Variants in TTC12 observed in about 807,000 individuals in gnomAD.
TTC12 encodes tetratricopeptide repeat domain 12.
Under a neutral mutation model 90.1 loss-of-function variants are expected in TTC12, and 70 were observed. The ratio of observed to expected loss-of-function variants is 0.78; its 90% CI spans 0.64 to 0.95. The LOEUF is 0.95. TTC12 is among the 40% of genes least tolerant of loss of function. The probability of loss-of-function intolerance (pLI) is 0.00; values close to 1 mark genes in which losing one functional copy is unlikely to be tolerated. For synonymous variants in TTC12, 296 were observed against 311.5 expected (o/e 0.95, Z 0.53); for missense variants, 819 against 846.1 (o/e 0.97, Z 0.40).
intron 2 of TTC12, among the ~76,000 whole-genome samples, chr11:113,320,988 G>A (rs1411743778): frequency 6.6e-6 from 1 of 151,912 alleles, no homozygotes; most frequent in African/African-American, 2.4e-5. Flanking sequence ...ATCGAGCCTG[G>A]ACAACATAGC....
chr11:113,346,059 G>A (rs919934745), intron 13 of TTC12, among the ~76,000 whole-genome samples: 33 of 152,092 alleles, frequency 2.2e-4, no homozygotes, highest in African/African-American at 7.7e-4. Context: ...AGCAAGACAG[G>A]GCTGCTGCAC....
In TTC12 at chr11:113,338,759, G is replaced by A. The variant is rs782788067; in HGVS notation, c.577-15G>A. 1.2e-5 allele frequency: 19 copies of A among 1,610,404 alleles called. No homozygotes were observed. In the East Asian group the frequency reaches 4.0e-4, roughly 34 times the overall value. ...TACCCCAACCACTCTTCAAGGTCTT[G>A]TTTCTTTTTTCCAGTCTAGAGAGTG... On this transcript the variant is annotated splice_polypyrimidine_tract_variant and intron_variant, in intron 8 of 21. Coordinates refer to ENST00000529221, the MANE Select transcript of TTC12 (RefSeq NM_017868.4).
Position 113,360,468 on chromosome 11 carries a change from A to C in TTC12, c.1614+460A>C, listed in dbSNP as rs367670644. ...GTGATCCTAGAGGTTGTTTGTGCAT[A>C]ATAGTTTTACCCTCTTTTTAAAATA... On this transcript the variant is annotated intron_variant, in intron 18 of 21. Coordinates refer to ENST00000529221, the MANE Select transcript of TTC12 (RefSeq NM_017868.4). 9.2e-5 allele frequency among the ~76,000 whole-genome samples: 14 copies of C among 152,216 alleles called. No individual in the cohort carries two copies. The South Asian group carries it at 1.0e-3, about 11-fold the overall frequency.
rs555847720 is a variant in TTC12, at chr11:113,352,105, G to A, written c.1344G>A (p.Leu448=). ...TDPKVSSSSA[L]CQCIAIMGNL... The stretch of plus-strand genomic sequence containing the variant: ...CCAAGGTAAGCAGCTCCTCGGCTCT[G>A]TGCCAGTGCATTGCCATCATGGGAA... The change falls in exon 16 of 22, where the codon CTG becomes CTA. Residue 448 remains leucine (L), a synonymous_variant. Transcript: ENST00000529221. 25 of 1,614,096 alleles carry A rather than the reference G, an allele frequency of 1.5e-5. No individual in the cohort carries two copies. Among genetic ancestry groups the A allele is most frequent in the Admixed American group, 1.2e-4 (7 of 60,010 alleles).
intron 16 of TTC12, among the ~76,000 whole-genome samples, chr11:113,355,719 T>G (rs1016495919): frequency 3.3e-5 from 5 of 152,254 alleles, no homozygotes; most frequent in African/African-American, 1.2e-4. Flanking sequence ...TTAATTGGTT[T>G]ATTTGCCCTA....
intron 12 of TTC12, 22 bp from the exon 13 acceptor site, chr11:113,344,250 A>G (rs781832761): frequency 6.2e-7 from 1 of 1,600,092 alleles, no homozygotes; most frequent in African/African-American, 1.3e-5. Flanking sequence ...TGCACAAGAC[A>G]CACAACCTCT....
intron 14 of TTC12, among the ~76,000 whole-genome samples, chr11:113,350,933 A>G (rs973747910): frequency 6.6e-6 from 1 of 152,164 alleles, no homozygotes; most frequent in South Asian, 2.1e-4. Flanking sequence ...CACGCTGTAG[A>G]CTCAGAGCAG....
At chr11:113,314,861 G>GCAGGCTCCGCGCGGGGCTCGGGGA (rs1347569474) in intron 1 of TTC12, 15 of 152,432 alleles carry the variant, frequency 9.8e-5, no homozygotes, top group African/African-American at 3.6e-4. Context: ...CGCGTCTGGG[G>GCAGGCTCCGCGCGGGGCTCGGGGA]CAGGCTCCGC....
At chr11:113,323,103 A>C (rs1164683798) in intron 2 of TTC12, among the ~76,000 whole-genome samples, 185 bp from the exon 3 acceptor site, 1 of 87,612 alleles carries the variant, frequency 1.1e-5, no homozygotes, top group African/African-American at 4.0e-5. Flanking sequence ...TTTTCTAGGC[A>C]AAAAAAAAAA....
At chr11:113,360,386 T>C (rs1243204123) in intron 18 of TTC12, among the ~76,000 whole-genome samples, 2 of 152,032 alleles carry the variant, frequency 1.3e-5, no homozygotes, top group African/African-American at 4.8e-5. Flanking sequence ...GTCCAACTTA[T>C]TTAGAATCCC....
At chr11:113,371,543 G>A (rs1043775959) in intron 21 of TTC12, 1 of 151,264 alleles carries the variant, frequency 6.6e-6, no homozygotes, top group Non-Finnish European at 1.5e-5. Context: ...GCTCCAAAAT[G>A]GCTAGTCCAT....
rs150880466 is a variant in TTC12, at chr11:113,323,932, A to G, written c.223-62A>G. ...TGATTTGCCTTCTTGGTTTATATAC[A>G]TATAAATTAGAGTGGTTTTTGAAAT... On this transcript the variant is annotated intron_variant, in intron 3 of 21. Coordinates refer to ENST00000529221, the MANE Select transcript of TTC12 (RefSeq NM_017868.4). 1.9e-3 allele frequency: 2,608 copies of G among 1,354,752 alleles called. 45 individuals carry two copies. In the African/African-American group the frequency reaches 0.033, roughly 17 times the overall value. 83.9% of individuals were successfully genotyped at this position (1,354,752 alleles called of 1,614,324 possible). A position where few individuals can be genotyped will look rare whatever the true frequency, so the allele number is the denominator to read the frequency against.
intron 6 of TTC12, chr11:113,329,638 A>T: frequency 1.9e-6 from 1 of 537,528 alleles, no homozygotes. Context: ...CCCTTCCATT[A>T]CAGCAGTGGT....
rs782743610 is a variant in TTC12, at chr11:113,323,364, A to G, written c.135A>G (p.Leu45=). ...QKAVLETEKR[L]LLMEEDQEED... is the part of the protein sequence containing the mutation. ...CTGTCCTGGAGACAGAAAAGAGACT[A>G]CTGCTTATGGAGGAAGACCAGGAGG... Residue 45 remains leucine (L), a synonymous_variant, in exon 3 of 22, where the codon CTA becomes CTG. Coordinates refer to ENST00000529221, the MANE Select transcript of TTC12 (RefSeq NM_017868.4). 5.0e-6 allele frequency: 8 copies of G among 1,613,560 alleles called. No homozygotes were observed. Among genetic ancestry groups the G allele is most frequent in the Admixed American group, 3.3e-5 (2 of 59,840 alleles).
chr11:113,319,400 A>G (rs782759367), intron 2 of TTC12, among the ~76,000 whole-genome samples: 1 of 152,124 alleles, frequency 6.6e-6, no homozygotes, highest in African/African-American at 2.4e-5. Context: ...GGAAAAGGGC[A>G]TTAGGGAGAA....
Position 113,339,336 on chromosome 11 carries a change from G to C in TTC12, c.688G>C (p.Glu230Gln). The C allele has an allele frequency of 6.2e-7, 1 of 1,611,332 alleles. No individual in the cohort carries two copies. The change falls in exon 10 of 22, where the codon GAA becomes CAA. Residue 230 changes from glutamate to glutamine, a missense_variant. Coordinates refer to ENST00000529221, the MANE Select transcript of TTC12 (RefSeq NM_017868.4). The stretch of plus-strand genomic sequence containing the variant: ...GGAAAAAGCAGACCTTCAAGAAAAG[G>C]AAGCCCACGAACTGCTGGATTCAGG... ...LQEKADLQEK[E>Q]AHELLDSGKN...
chr11:113,326,013 A>G (rs571332561), intron 6 of TTC12, among the ~76,000 whole-genome samples: 51 of 152,152 alleles, frequency 3.4e-4, no homozygotes, highest in Non-Finnish European at 4.9e-4. Flanking sequence ...TGCTACCAAC[A>G]TATTTCTTCA....
chr11:113,340,043 A>T (rs1555145527), intron 10 of TTC12, among the ~76,000 whole-genome samples: 1 of 152,242 alleles, frequency 6.6e-6, no homozygotes, highest in Non-Finnish European at 1.5e-5. Flanking sequence ...GTTACAGTTA[A>T]TGGCTGCATA....
At position 113,364,967 on chromosome 11, in the gene TTC12, T is replaced by TCTTG. The variant is rs779155392; in HGVS notation, c.1950_1953dup (p.Lys653ValfsTer7). ...CTGCTAAAGACGGACCTTTTGCAGG[T>TCTTG]CTTGTTAAAGCTTGCAGGCAGTGAC... On this transcript the variant is annotated frameshift_variant, in exon 21 of 22. Transcript: ENST00000529221. LOFTEE classifies it high-confidence loss of function. 6.2e-7 allele frequency: 1 copy of TCTTG among 1,614,094 alleles called. No homozygotes were observed. Among genetic ancestry groups the TCTTG allele is most frequent in the Non-Finnish European group, 8.5e-7 (1 of 1,180,018 alleles).
Sources: allele counts gnomAD v4.1 joint callset (sites outside exome capture counted in the v4.1 genomes callset), GRCh38; gene constraint gnomAD v4.1.1; transcripts MANE v1.5; gene names NCBI Gene and HGNC (gene_info 2026-07-23, HGNC 2026-07-21).